The following HSH2D variants were observed in gnomAD, a reference collection of about 807,000 sequenced individuals.
HSH2D encodes the protein hematopoietic SH2 domain-containing protein.
Under a neutral mutation model 21.5 loss-of-function variants are expected in HSH2D, and 16 were observed. That is an observed-to-expected ratio of 0.74 (90% CI 0.50 to 1.13). The LOEUF is 1.13. Among genes scored for constraint, HSH2D ranks in the 50% most tolerant of loss-of-function variants. The pLI is 0.00. For missense variants in HSH2D, 418 were observed against 441.4 expected (o/e 0.95, Z 0.47); for synonymous variants, 172 against 184.7 (o/e 0.93, Z 0.56).
chr19:16,138,157 C>T (rs1055484351), intron 1 of HSH2D, among the ~76,000 whole-genome samples: 14 of 152,140 alleles, frequency 9.2e-5, no homozygotes, highest in African/African-American at 1.7e-4. Flanking sequence ...TGTGAGCCAC[C>T]GTGTCCAGCC....
At chr19:16,136,295 C>T (rs1373246298) in intron 1 of HSH2D, among the ~76,000 whole-genome samples, 7 of 152,118 alleles carry the variant, frequency 4.6e-5, no homozygotes, top group Admixed American at 3.3e-4. Context: ...CTGCAAAATT[C>T]GGAGACAGTG....
In HSH2D at chr19:16,148,860, G is replaced by A; in HGVS notation, c.110G>A (p.Gly37Asp). The change falls in exon 2 of 6, where the codon GGT becomes GAT. Residue 37 changes from glycine to aspartate, a missense_variant. Physicochemically the swap from Gly to Asp is moderately conservative, Grantham distance 94. Transcript: ENST00000613986. The part of the protein sequence containing the change: ...AQDGVPEWFH[G>D]AISREDAENL... ...GACGGGGTCCCCGAGTGGTTCCATG[G>A]TGCAATCTCAAGAGAGTGAGGACAC... The A allele has an allele frequency of 6.2e-7, 1 of 1,613,074 alleles. No homozygotes were observed. Among genetic ancestry groups the A allele is most frequent in the Non-Finnish European group, 8.5e-7 (1 of 1,179,522 alleles).
intron 1 of HSH2D, among the ~76,000 whole-genome samples, chr19:16,144,018 G>A (rs778222658): frequency 2.6e-5 from 4 of 152,138 alleles, no homozygotes; most frequent in Admixed American, 6.5e-5. Flanking sequence ...GCAAGAGAGA[G>A]AGAGCAAGGA....
upstream of HSH2D, among the ~76,000 whole-genome samples, chr19:16,138,889 C>G (rs897744296): frequency 2.6e-5 from 4 of 151,652 alleles, no homozygotes; most frequent in African/African-American, 9.7e-5. Context: ...GACACAGTCT[C>G]ACTCTGTGAC....
chr19:16,138,651 T>C (rs894057129), intron 1 of HSH2D, among the ~76,000 whole-genome samples: 20 of 151,858 alleles, frequency 1.3e-4, no homozygotes, highest in South Asian at 4.1e-4. Context: ...AGAGACAGGG[T>C]TTCACCATGT....
Position 16,151,193 on chromosome 19 carries a change from C to T in HSH2D, c.126-1359C>T, listed in dbSNP as rs865862782. Among the ~76,000 whole-genome samples the T allele has an allele frequency of 2.0e-5, 3 of 151,804 alleles. No individual in the cohort carries two copies. In the South Asian group the frequency reaches 6.3e-4, roughly 32 times the overall value. ...ACAAAAAATTAGCTGGGCGTGGTTG[C>T]GGGTACCTGTAATCCCAGTTACTTG... On this transcript the variant is annotated intron_variant, in intron 2 of 5. Transcript: ENST00000613986.
In HSH2D at chr19:16,135,982, CCTGCAGCCT is replaced by C. The variant is rs141887301; in HGVS notation, c.-324+1757_-324+1765del. 6.6e-3 allele frequency among the ~76,000 whole-genome samples: 1,003 copies of C among 152,218 alleles called. 8 individuals carry two copies. The highest frequency in any genetic ancestry group is 0.023 in the African/African-American group (945 of 41,536). ...AAAGAAACCAGCTTCCAGGGTTGAT[CCTGCAGCCT>C]CTGCAGCCTAGGGGGCAGCTCCCCA... On this transcript the variant is annotated intron_variant, in intron 1 of 7. Coordinates refer to the HSH2D transcript ENST00000616645.
chr19:16,134,619 C>T (rs566270596), intron 1 of HSH2D, among the ~76,000 whole-genome samples: 2 of 152,074 alleles, frequency 1.3e-5, no homozygotes, highest in African/African-American at 4.8e-5. Flanking sequence ...AATGTCTCAT[C>T]GGCACCGTAA....
rs191375374 is a variant in HSH2D, at chr19:16,153,250, G to T, written c.381+42G>T. ...ACAAGGTTCACAGCCATTTCCTTGG[G>T]GCCAAGCCCCCCAGACCCCTTTGTT... is the stretch of plus-strand genomic sequence containing the variant. On this transcript the variant is annotated intron_variant, in intron 4 of 5. Coordinates refer to ENST00000613986, the MANE Select transcript of HSH2D (RefSeq NM_001382417.1). The T allele has an allele frequency of 1.9e-4, 283 of 1,460,344 alleles. No individual in the cohort carries two copies. The African/African-American group carries it at 3.8e-3, about 19-fold the overall frequency. 90.5% of individuals were successfully genotyped at this position (1,460,344 alleles called of 1,614,324 possible).
chr19:16,157,159 TG>T lies in HSH2D; in HGVS notation c.475-49del. ...CAGGCTCCAATTTCTGGGACAGACA[TG>T]GTGCTCTGGTGGGCAAGCTGCCCCA... On this transcript the variant is annotated intron_variant, in intron 5 of 5. Coordinates refer to ENST00000613986, the MANE Select transcript of HSH2D (RefSeq NM_001382417.1). The surrounding 1 kb of genome is among the most constrained non-coding windows in gnomAD (Gnocchi z 4.4). 6.9e-7 allele frequency: 1 copy of T among 1,440,814 alleles called. No homozygotes were observed. Among genetic ancestry groups the T allele is most frequent in the Non-Finnish European group, 9.3e-7 (1 of 1,070,326 alleles). The allele number at this position is 1,440,814 out of a possible 1,614,324, so 89.3% of individuals were successfully genotyped here. A position where few individuals can be genotyped will look rare whatever the true frequency, so the allele number is the denominator to read the frequency against.
chr19:16,137,368 C>T (rs2090970758), intron 1 of HSH2D, among the ~76,000 whole-genome samples: 1 of 152,096 alleles, frequency 6.6e-6, no homozygotes, highest in African/African-American at 2.4e-5. Flanking sequence ...TAGCTCACAC[C>T]TATAATCCCA....
At chr19:16,144,927 C>T (rs1254698485) in intron 1 of HSH2D, among the ~76,000 whole-genome samples, 3 of 151,272 alleles carry the variant, frequency 2.0e-5, no homozygotes, top group African/African-American at 2.4e-5. Context: ...CTCCTGACCT[C>T]GTGATCTGCC....
chr19:16,146,575 G>T (rs931544211), intron 1 of HSH2D, among the ~76,000 whole-genome samples: 9 of 152,108 alleles, frequency 5.9e-5, no homozygotes, highest in Non-Finnish European at 1.3e-4. Flanking sequence ...CTACTCAGGA[G>T]GTTGAAGTGG....
At chr19:16,140,392 G>A (rs1200220455), upstream of HSH2D, among the ~76,000 whole-genome samples, 3 of 152,158 alleles carry the variant, frequency 2.0e-5, no homozygotes, top group Non-Finnish European at 4.4e-5. Flanking sequence ...ACCACTTGAG[G>A]TCAGGAGTTC....
chr19:16,152,744 T>A, intron 3 of HSH2D, 103 bp downstream of exon 3: 1 of 888,684 alleles, frequency 1.1e-6, no homozygotes, highest in Non-Finnish European at 1.8e-6. Flanking sequence ...AAAGCAGCAG[T>A]AACTGAGGCT....
At chr19:16,144,448 A>G (rs1002641624) in intron 1 of HSH2D, among the ~76,000 whole-genome samples, 7 of 152,038 alleles carry the variant, frequency 4.6e-5, no homozygotes, top group Admixed American at 1.3e-4. Flanking sequence ...GTAAAAAAAA[A>G]GAATAAGCCT....
In HSH2D at chr19:16,157,212, C is replaced by T. The variant is rs778207446; in HGVS notation, c.477C>T (p.Ala159=). The T allele has an allele frequency of 7.9e-6, 12 of 1,521,840 alleles. No individual in the cohort carries two copies. The Admixed American group carries it at 1.6e-4, about 20-fold the overall frequency. 94.3% of individuals were successfully genotyped at this position (1,521,840 alleles called of 1,614,324 possible). Residue 159 remains alanine, a splice_region_variant and synonymous_variant, in exon 6 of 6, where the codon GCC becomes GCT. Coordinates refer to ENST00000613986, the MANE Select transcript of HSH2D (RefSeq NM_001382417.1). This position sits in a 1 kb window ranked among gnomAD's most constrained non-coding sequence, Gnocchi z 4.4. ...GCCTCCCCTACTCTCATTTTCAGGC[C>T]TCCCCAAAGCCAGTCCTGTGTCACC... ...AACPVSAPEE[A]SPKPVLCHQS...
In HSH2D at chr19:16,148,789, A is replaced by T; in HGVS notation, c.39A>T (p.Pro13=). The T allele has an allele frequency of 6.2e-7, 1 of 1,610,826 alleles. No individual in the cohort carries two copies. The highest frequency in any genetic ancestry group is 8.5e-7 in the Non-Finnish European group (1 of 1,178,094). ...GGAAGCTGCCCCTACCGCTACCCCC[A>T]CGGCTGGACTGGTTTGTGCACACCC... ...EAGKLPLPLP[P]RLDWFVHTQM... is the part of the protein sequence containing the mutation. The change falls in exon 2 of 6, where the codon CCA becomes CCT. Residue 13 remains proline (P), a synonymous_variant. Coordinates refer to ENST00000613986, the MANE Select transcript of HSH2D (RefSeq NM_001382417.1).
At chr19:16,143,051 G>C (rs900951629), upstream of HSH2D, among the ~76,000 whole-genome samples, 36 of 152,144 alleles carry the variant, frequency 2.4e-4, no homozygotes, top group African/African-American at 8.7e-4. Flanking sequence ...TTACAGGCGT[G>C]AGCCACCGCG....
Sources: gnomAD v4.1 joint callset for allele counts (sites outside exome capture counted in the v4.1 genomes callset) on GRCh38, gnomAD v4.1.1 for gene constraint, Gnocchi (gnomAD v3.1) non-coding constraint, MANE v1.5 for transcripts, NCBI Gene and HGNC (gene_info 2026-07-23, HGNC 2026-07-21) for gene names.